DPP10: variants seen among roughly 807,000 people sequenced by gnomAD.
DPP10 encodes the protein inactive dipeptidyl peptidase 10.
Under a neutral mutation model 120.9 loss-of-function variants are expected in DPP10, and 33 were observed. The observed-to-expected ratio is 0.27, with a 90% CI of 0.21 to 0.37. The LOEUF (loss-of-function observed/expected upper bound fraction) is 0.37. Ranked by LOEUF, DPP10 falls within the 10% of genes least tolerant of loss-of-function variation. The probability of loss-of-function intolerance (pLI) is 1.00; values close to 1 mark genes in which losing one functional copy is unlikely to be tolerated. For missense variants in DPP10, 816 were observed against 942.8 expected, an observed-to-expected ratio of 0.87 and a Z score of 1.76; for synonymous variants, 337 against 326.1, an observed-to-expected ratio of 1.03 and a Z score of -0.36.
At chr2:115,416,660 A>G (rs537830004) in intron 3 of DPP10, among the ~76,000 whole-genome samples, 1 of 152,148 alleles carries the variant, frequency 6.6e-6, no homozygotes, top group Admixed American at 6.5e-5. Flanking sequence ...TATTCCATTA[A>G]TCGATTAATT....
chr2:115,335,587 A>C (rs931199233), intron 2 of DPP10, among the ~76,000 whole-genome samples: 5 of 152,072 alleles, frequency 3.3e-5, no homozygotes, highest in Admixed American at 6.6e-5. Flanking sequence ...TAAGTACTAA[A>C]ACAAAATCTT....
intron 1 of DPP10, among the ~76,000 whole-genome samples, chr2:115,104,760 T>C (rs1449492212): frequency 6.6e-6 from 1 of 152,166 alleles, no homozygotes; most frequent in African/African-American, 2.4e-5. Flanking sequence ...ATAATCCCAG[T>C]GCTCTGGGAG....
chr2:115,590,784 G>A (rs560104155), intron 5 of DPP10, among the ~76,000 whole-genome samples: 21 of 152,286 alleles, frequency 1.4e-4, no homozygotes, highest in South Asian at 4.1e-4. Flanking sequence ...AGTCCCACCA[G>A]CAGTGTAAAA....
chr2:114,856,309 A>C (rs1689363515), intron 1 of DPP10, among the ~76,000 whole-genome samples: 1 of 152,136 alleles, frequency 6.6e-6, no homozygotes, highest in Non-Finnish European at 1.5e-5. Flanking sequence ...TATAAGTAGA[A>C]ATGTAAATGG....
At chr2:114,616,881 C>T (rs1369467581) in intron 1 of DPP10, among the ~76,000 whole-genome samples, 1 of 152,044 alleles carries the variant, frequency 6.6e-6, no homozygotes, top group Non-Finnish European at 1.5e-5. Context: ...CAACCAGACA[C>T]CATAATACAG....
At chr2:115,782,551 T>C (rs139535153) in intron 17 of DPP10, 152 bp downstream of exon 17, 7 of 672,140 alleles carry the variant, frequency 1.0e-5, no homozygotes, top group South Asian at 2.1e-5. Flanking sequence ...CTTGACCTTA[T>C]GTATGTAAGA....
At chr2:115,356,947 C>A (rs2064433725) in intron 3 of DPP10, among the ~76,000 whole-genome samples, 1 of 152,136 alleles carries the variant, frequency 6.6e-6, no homozygotes, top group Non-Finnish European at 1.5e-5. Flanking sequence ...CTCCTAACTG[C>A]TTTCTATAGT....
In DPP10 at chr2:115,305,243, T is replaced by C. The variant is rs1386114025; in HGVS notation, c.61-3996T>C. Among the ~76,000 whole-genome samples the C allele has an allele frequency of 1.3e-5, 2 of 152,074 alleles. 1 individual carries two copies. The highest frequency in any genetic ancestry group is 2.9e-5 in the Non-Finnish European group (2 of 67,992). ...GCAAGTTCCTAACATGTTCCTTGTC[T>C]AAGGCTGCTGCCCAGGATCATACCT... is the stretch of plus-strand genomic sequence containing the variant. On this transcript the variant is annotated intron_variant, in intron 1 of 25. Coordinates refer to ENST00000410059, the MANE Select transcript of DPP10 (RefSeq NM_020868.6).
intron 1 of DPP10, 28 bp from the exon 2 acceptor site, chr2:115,309,211 T>C (rs1383771889): frequency 6.3e-7 from 1 of 1,585,992 alleles, no homozygotes; most frequent in Non-Finnish European, 8.6e-7. Flanking sequence ...CATGAATAAT[T>C]ACAAAACTTT....
chr2:115,236,915 A>C (rs1222346089), intron 1 of DPP10, among the ~76,000 whole-genome samples: 1 of 152,188 alleles, frequency 6.6e-6, no homozygotes, highest in Non-Finnish European at 1.5e-5. Flanking sequence ...GGGGCATTAC[A>C]TTTACGGCCT....
intron 1 of DPP10, among the ~76,000 whole-genome samples, chr2:115,075,134 G>A (rs968166785): frequency 6.6e-6 from 1 of 152,230 alleles, no homozygotes; most frequent in Non-Finnish European, 1.5e-5. Context: ...AGCTCAGAGT[G>A]AGAAGAGTGC....
intron 1 of DPP10, among the ~76,000 whole-genome samples, chr2:114,846,115 A>G (rs1241873820): frequency 1.3e-5 from 2 of 152,168 alleles, no homozygotes; most frequent in Non-Finnish European, 2.9e-5. Context: ...TAGATTTAGC[A>G]TAATTTATCA....
At chr2:115,496,094 G>A (rs1457825460) in intron 3 of DPP10, among the ~76,000 whole-genome samples, 1 of 151,920 alleles carries the variant, frequency 6.6e-6, no homozygotes, top group African/African-American at 2.4e-5. Context: ...TCTAGTAACA[G>A]GAGTTTCAAA....
intron 1 of DPP10, among the ~76,000 whole-genome samples, chr2:114,797,826 G>A (rs1213429727): frequency 6.6e-6 from 1 of 152,156 alleles, no homozygotes; most frequent in South Asian, 2.1e-4. Flanking sequence ...ATTGACTGGG[G>A]CATGCACTTA....
intron 1 of DPP10, among the ~76,000 whole-genome samples, chr2:114,823,697 G>C: frequency 6.6e-6 from 1 of 152,176 alleles, no homozygotes; most frequent in East Asian, 1.9e-4. Context: ...AGGAACAGTG[G>C]AAGGAAACAG....
intron 5 of DPP10, among the ~76,000 whole-genome samples, chr2:115,640,730 C>A (rs1007784766): frequency 6.6e-6 from 1 of 152,194 alleles, no homozygotes; most frequent in Non-Finnish European, 1.5e-5. Flanking sequence ...TGCTGGGAAG[C>A]TTTACGAGAT....
chr2:115,361,914 GGCCCC>G (rs1011251280), intron 3 of DPP10, among the ~76,000 whole-genome samples: 8 of 151,786 alleles, frequency 5.3e-5, no homozygotes, highest in African/African-American at 1.9e-4. Context: ...CAGCTATGTT[GGCCCC>G]CCAACTCCAA....
chr2:114,927,794 C>T (rs879533522), intron 1 of DPP10, among the ~76,000 whole-genome samples: 22 of 152,248 alleles, frequency 1.4e-4, no homozygotes, highest in African/African-American at 2.2e-4. Flanking sequence ...CTGTACAAGA[C>T]GCATGACACT....
At chr2:115,014,787 A>T in intron 1 of DPP10, among the ~76,000 whole-genome samples, 1 of 151,784 alleles carries the variant, frequency 6.6e-6, no homozygotes, top group East Asian at 1.9e-4. Context: ...CAAGATGAAA[A>T]CAGGAAGAAG....
Sources: gnomAD v4.1 joint callset for allele counts (sites outside exome capture counted in the v4.1 genomes callset) on GRCh38, gnomAD v4.1.1 for gene constraint, MANE v1.5 for transcripts, NCBI Gene and HGNC (gene_info 2026-07-23, HGNC 2026-07-21) for gene names.